The following CDYL2 variants were observed in gnomAD, a reference collection of about 807,000 sequenced individuals.
CDYL2 encodes the protein chromodomain Y-like protein 2.
In CDYL2, 23 loss-of-function variants were observed where a neutral mutation model predicts 49.4. The observed-to-expected ratio is 0.47, with a 90% CI of 0.34 to 0.66. The LOEUF (loss-of-function observed/expected upper bound fraction) is 0.66. CDYL2 is among the 30% of genes least tolerant of loss of function. The pLI, the probability that CDYL2 is intolerant of heterozygous loss-of-function variation, is 0.01. For synonymous variants in CDYL2, 360 were observed against 268.8 expected (o/e 1.34, Z -3.32); for missense variants, 678 against 656.4 (o/e 1.03, Z -0.36).
At chr16:80,721,471 G>C (rs1727770686) in intron 1 of CDYL2, among the ~76,000 whole-genome samples, 1 of 152,174 alleles carries the variant, frequency 6.6e-6, no homozygotes, top group Non-Finnish European at 1.5e-5. Flanking sequence ...CCTTCCATCA[G>C]TGACTATTTG....
At chr16:80,651,346 A>G (rs1908574415) in intron 2 of CDYL2, among the ~76,000 whole-genome samples, 1 of 152,258 alleles carries the variant, frequency 6.6e-6, no homozygotes, top group Non-Finnish European at 1.5e-5. Flanking sequence ...GCCAGTCTGA[A>G]AAATCTATAT....
intron 3 of CDYL2, among the ~76,000 whole-genome samples, chr16:80,631,103 C>T (rs541575084): frequency 2.0e-5 from 3 of 152,270 alleles, no homozygotes; most frequent in Admixed American, 6.5e-5. Flanking sequence ...GACAAAAGGG[C>T]GAGCAAGAAC....
At chr16:80,648,046 T>C (rs868737600) in intron 2 of CDYL2, among the ~76,000 whole-genome samples, 1 of 151,894 alleles carries the variant, frequency 6.6e-6, no homozygotes, top group Non-Finnish European at 1.5e-5. Context: ...TTTAAGTGCC[T>C]ATACCAAAAA....
At chr16:80,708,412 C>CT (rs1197104695) in intron 1 of CDYL2, among the ~76,000 whole-genome samples, 2 of 152,172 alleles carry the variant, frequency 1.3e-5, no homozygotes, top group Non-Finnish European at 2.9e-5. Flanking sequence ...TTTGCTCCTC[C>CT]TTGCCTTCTG....
At chr16:80,768,681 C>T (rs1273650288) in intron 1 of CDYL2, among the ~76,000 whole-genome samples, 2 of 152,140 alleles carry the variant, frequency 1.3e-5, no homozygotes, top group African/African-American at 4.8e-5. Context: ...TTTGGGGAGA[C>T]ATAACTTCCT....
At chr16:80,674,497 G>A (rs553034869) in intron 2 of CDYL2, among the ~76,000 whole-genome samples, 3 of 152,104 alleles carry the variant, frequency 2.0e-5, no homozygotes, top group East Asian at 1.9e-4. Flanking sequence ...CATATAAAGT[G>A]CACAATTCAG....
intron 1 of CDYL2, among the ~76,000 whole-genome samples, chr16:80,727,941 C>T (rs1424345925): frequency 2.0e-5 from 3 of 152,132 alleles, no homozygotes; most frequent in African/African-American, 7.2e-5. Context: ...TACCAAAAAC[C>T]CATCTGTACA....
chr16:80,783,379 G>T (rs1429467793), intron 1 of CDYL2, among the ~76,000 whole-genome samples: 1 of 152,142 alleles, frequency 6.6e-6, no homozygotes, highest in African/African-American at 2.4e-5. Flanking sequence ...GTGTTGGCAA[G>T]GACGCAAACT....
Position 80,684,933 on chromosome 16 carries a change from G to A in CDYL2, c.221C>T (p.Thr74Ile). The A allele has an allele frequency of 6.2e-7, 1 of 1,613,712 alleles. No homozygotes were observed. The highest frequency in any genetic ancestry group is 8.5e-7 in the Non-Finnish European group (1 of 1,179,622). The change falls in exon 2 of 7, where the codon ACC becomes ATC. Residue 74 changes from threonine to isoleucine, a missense_variant. Thr to Ile is a moderately conservative substitution (Grantham distance 89). Around this residue, in one of 3 missense-constraint regions of CDYL2, gnomAD observed 478 missense variants for 427.0 expected, o/e 1.12. Coordinates refer to ENST00000570137, the MANE Select transcript of CDYL2 (RefSeq NM_152342.4). Reference protein sequence around the residue: ...KRIKSGKQSSTSKLLRDSRGP... With the variant: ...KRIKSGKQSSISKLLRDSRGP... ...TCGACTGTCACGCAGCAGCTTGGAG[G>A]TACTGGACTGCTTCCCTGACTTGAT...
Position 80,712,215 on chromosome 16 carries a change from A to C in CDYL2, c.25-27086T>G, listed in dbSNP as rs111878866. 9.0e-4 allele frequency among the ~76,000 whole-genome samples: 116 copies of C among 128,300 alleles called. 2 individuals are homozygous for C. Among genetic ancestry groups the C allele is most frequent in the Middle Eastern group, 5.1e-3 (1 of 196 alleles). 84.2% of individuals were successfully genotyped at this position (128,300 alleles called of 152,430 possible). On this transcript the variant is annotated intron_variant, in intron 1 of 6. Coordinates refer to ENST00000570137, the MANE Select transcript of CDYL2 (RefSeq NM_152342.4). ...TGTATATATATATATATATATATAT[A>C]TCTCCAAACCACTGCTCACTGTGAT...
At chr16:80,747,661 G>A (rs1186820942) in intron 1 of CDYL2, among the ~76,000 whole-genome samples, 3 of 152,074 alleles carry the variant, frequency 2.0e-5, no homozygotes, top group Admixed American at 6.5e-5. Context: ...CAACTTCTGA[G>A]GCCAGAGAAG....
chr16:80,778,538 T>C (rs1907164363), intron 1 of CDYL2, among the ~76,000 whole-genome samples: 1 of 152,038 alleles, frequency 6.6e-6, no homozygotes, highest in East Asian at 1.9e-4. Flanking sequence ...TTAGGATCTG[T>C]ATCAAGAAAA....
intron 1 of CDYL2, among the ~76,000 whole-genome samples, chr16:80,719,633 CT>C (rs930216551): frequency 3.9e-5 from 6 of 152,202 alleles, no homozygotes; most frequent in African/African-American, 1.4e-4. Context: ...GTATCTGTAC[CT>C]TGGGTTGCCC....
intron 2 of CDYL2, among the ~76,000 whole-genome samples, chr16:80,642,803 T>C (rs775336564): frequency 1.1e-4 from 17 of 152,132 alleles, no homozygotes; most frequent in Non-Finnish European, 2.4e-4. Flanking sequence ...GCCCCCATGA[T>C]TCAAATTATC....
At chr16:80,802,806 C>T (rs564625126) in intron 1 of CDYL2, among the ~76,000 whole-genome samples, 1 of 152,324 alleles carries the variant, frequency 6.6e-6, no homozygotes, top group African/African-American at 2.4e-5. Context: ...GCTTCAACTG[C>T]CCACGAGGGC....
chr16:80,748,590 T>C (rs1300609260), intron 1 of CDYL2, among the ~76,000 whole-genome samples: 3 of 148,688 alleles, frequency 2.0e-5, no homozygotes, highest in Non-Finnish European at 4.4e-5. Context: ...AGCCTTGGTT[T>C]GCACAAATGG....
intron 2 of CDYL2, among the ~76,000 whole-genome samples, chr16:80,649,590 T>C (rs545890479): frequency 3.9e-5 from 6 of 152,256 alleles, no homozygotes; most frequent in South Asian, 2.1e-4. Flanking sequence ...AAAATACCAA[T>C]AATATTCTTC....
chr16:80,683,088 C>A (rs979141674), intron 2 of CDYL2, among the ~76,000 whole-genome samples: 1 of 152,188 alleles, frequency 6.6e-6, no homozygotes, highest in Non-Finnish European at 1.5e-5. Context: ...AATCTACCAT[C>A]GTCACACTGA....
intron 1 of CDYL2, among the ~76,000 whole-genome samples, chr16:80,772,742 C>A (rs548612893): frequency 1.1e-4 from 16 of 152,158 alleles, no homozygotes; most frequent in Admixed American, 2.0e-4. Flanking sequence ...TGAGCCACCA[C>A]GCCTGGCCCA....
Sources: gnomAD v4.1 joint callset for allele counts (sites outside exome capture counted in the v4.1 genomes callset) on GRCh38, gnomAD v4.1.1 for gene constraint, gnomAD v4.1.1 regional missense constraint, MANE v1.5 for transcripts, NCBI Gene and HGNC (gene_info 2026-07-23, HGNC 2026-07-21) for gene names.